The following PCDHA10 variants were observed in gnomAD, a reference collection of about 807,000 sequenced individuals.
PCDHA10 encodes the protein protocadherin alpha 10.
Under a neutral mutation model 61.2 loss-of-function variants are expected in PCDHA10, and 45 were observed. The ratio of observed to expected loss-of-function variants is 0.74; its 90% confidence interval spans 0.58 to 0.94. PCDHA10 has a LOEUF of 0.94. PCDHA10 is among the 40% of genes least tolerant of loss of function. The pLI, the probability that PCDHA10 is intolerant of heterozygous loss-of-function variation, is 0.00. For synonymous variants in PCDHA10, 602 were observed against 548.8 expected (o/e 1.10, Z -1.35); for missense variants, 1,278 against 1,236.2 (o/e 1.03, Z -0.51).
At chr5:140,948,371 T>G (rs1310252601) in intron 1 of PCDHA10, among the ~76,000 whole-genome samples, 1 of 151,586 alleles carries the variant, frequency 6.6e-6, no homozygotes, top group Non-Finnish European at 1.5e-5. Flanking sequence ...TTAGGAGGTG[T>G]TCCTTCCTCT....
At chr5:140,876,577 A>G (rs1554168681) in intron 1 of PCDHA10, 2 of 1,614,182 alleles carry the variant, frequency 1.2e-6, no homozygotes, top group Non-Finnish European at 1.7e-6. Context: ...GGGTACCGTC[A>G]TTGCCCTGAT....
intron 1 of PCDHA10, among the ~76,000 whole-genome samples, chr5:140,917,501 A>G (rs557906425): frequency 6.6e-6 from 1 of 152,020 alleles, no homozygotes; most frequent in East Asian, 1.9e-4. Context: ...CCAGAATGAT[A>G]TTTTCTAGGT....
chr5:141,000,734 T>A (rs1221425075), intron 3 of PCDHA10, among the ~76,000 whole-genome samples: 4 of 150,588 alleles, frequency 2.7e-5, no homozygotes, highest in Non-Finnish European at 4.4e-5. Flanking sequence ...GGCCCCTATC[T>A]CTGTATATTA....
Position 140,857,458 on chromosome 5 carries a change from C to A in PCDHA10, c.1410C>A (p.Gly470=), listed in dbSNP as rs782648266. 6.3e-7 allele frequency: 1 copy of A among 1,598,670 alleles called. No individual in the cohort carries two copies. The highest frequency in any genetic ancestry group is 1.1e-5 in the South Asian group (1 of 90,554). The change falls in exon 1 of 4, where the codon GGC becomes GGA. Residue 470 remains glycine (G), a synonymous_variant. Transcript: ENST00000307360. ...TCGTGAAGGAGAACAACCCGCCAGG[C>A]TGCCACATCTTCACGGTGTCTGCGT... ...TVFVKENNPP[G]CHIFTVSAWD... is the part of the protein sequence containing the mutation.
Position 141,009,722 on chromosome 5 carries a change from G to A in PCDHA10, c.2632G>A (p.Gly878Ser), listed in dbSNP as rs552954748. ...KYGPGNPKQSGPGELPDKFII... is the reference protein window; with the variant it reads ...KYGPGNPKQSSPGELPDKFII... ...CGGACCAGGCAACCCCAAACAATCC[G>A]GTCCCGGTGAGTTGCCCGACAAATT... The change falls in exon 4 of 4, where the codon GGT (glycine) becomes AGT (serine). Residue 878 changes from glycine (G) to serine (S), a missense_variant. Gly to Ser is a moderately conservative substitution (Grantham distance 56). Transcript: ENST00000307360. 5.2e-5 allele frequency: 84 copies of A among 1,614,140 alleles called. No homozygotes were observed. The South Asian group carries it at 6.7e-4, about 13-fold the overall frequency.
At position 140,877,303 on chromosome 5, in the gene PCDHA10, T is replaced by C. The variant is rs566187421; in HGVS notation, c.2388+18867T>C. 3.5e-4 allele frequency: 564 copies of C among 1,613,850 alleles called. 6 individuals are homozygous for C. In the South Asian group the frequency reaches 5.9e-3, roughly 17 times the overall value. On this transcript the variant is annotated intron_variant, in intron 1 of 3. Transcript: ENST00000307360. ...CTATAACGCTTGGCTGTCCTACGAGTTGCAACCGGCGGCGGTCGGCGCGCA... is the reference window on the plus strand; with the variant it reads ...CTATAACGCTTGGCTGTCCTACGAGCTGCAACCGGCGGCGGTCGGCGCGCA...
At chr5:140,992,514 G>A (rs1256283066) in intron 3 of PCDHA10, among the ~76,000 whole-genome samples, 1 of 152,176 alleles carries the variant, frequency 6.6e-6, no homozygotes, top group Non-Finnish European at 1.5e-5. Flanking sequence ...CTGGGGCATG[G>A]TAGCTAATGG....
At chr5:140,886,107 G>T (rs1340579685) in intron 1 of PCDHA10, among the ~76,000 whole-genome samples, 2 of 152,142 alleles carry the variant, frequency 1.3e-5, no homozygotes, top group Non-Finnish European at 2.9e-5. Flanking sequence ...ATACAGTAAA[G>T]AAGTAACATA....
At chr5:140,909,439 G>C (rs1348703640) in intron 1 of PCDHA10, among the ~76,000 whole-genome samples, 1 of 152,210 alleles carries the variant, frequency 6.6e-6, no homozygotes, top group Admixed American at 6.5e-5. Context: ...ATAATCCACT[G>C]TCATTCTCCA....
chr5:140,938,761 G>A (rs1414324125), intron 1 of PCDHA10, among the ~76,000 whole-genome samples: 5 of 151,992 alleles, frequency 3.3e-5, no homozygotes, highest in Non-Finnish European at 7.4e-5. Flanking sequence ...CATAGTTATT[G>A]GGTACTAGAC....
chr5:140,966,057 G>A (rs2153745793), intron 1 of PCDHA10, among the ~76,000 whole-genome samples: 1 of 152,318 alleles, frequency 6.6e-6, no homozygotes, highest in East Asian at 1.9e-4. Flanking sequence ...TAACCCCAGA[G>A]CGCCTCCCCC....
intron 1 of PCDHA10, among the ~76,000 whole-genome samples, chr5:140,879,426 G>T (rs2057986144): frequency 6.6e-6 from 1 of 152,302 alleles, no homozygotes; most frequent in South Asian, 2.1e-4. Flanking sequence ...GAATGGAGAT[G>T]AACATTTAAG....
At chr5:140,909,995 A>G (rs1315885700) in intron 1 of PCDHA10, among the ~76,000 whole-genome samples, 2 of 152,178 alleles carry the variant, frequency 1.3e-5, no homozygotes, top group African/African-American at 4.8e-5. Flanking sequence ...AACAGCATAA[A>G]TTGTTGTCAG....
At chr5:140,863,619 G>T (rs929497963) in intron 1 of PCDHA10, 8 of 333,052 alleles carry the variant, frequency 2.4e-5, no homozygotes, top group South Asian at 1.3e-4. Context: ...CCCTCATAGT[G>T]ACATTGATAA....
At chr5:140,882,936 C>T (rs782513929) in intron 1 of PCDHA10, 5 of 1,614,082 alleles carry the variant, frequency 3.1e-6, no homozygotes, top group Non-Finnish European at 4.2e-6. Flanking sequence ...CCCGAGCTGA[C>T]TGGCACAGTT....
rs2080357826 is a variant in PCDHA10 at position 140,921,739 on chromosome 5, G to T, written c.2389-57210G>T. The stretch of plus-strand genomic sequence containing the variant: ...CGAATTACTCCCATAAAAATTATAA[G>T]CATAACAGGACACTTCTTGGCTACT... On this transcript the variant is annotated intron_variant, in intron 1 of 3. Transcript: ENST00000307360. Among the ~76,000 whole-genome samples, 7 of 152,134 alleles carry T rather than the reference G, an allele frequency of 4.6e-5. No individual in the cohort carries two copies. In the South Asian group the frequency reaches 1.5e-3, roughly 32 times the overall value.
At chr5:140,915,572 C>T (rs2077180575) in intron 1 of PCDHA10, among the ~76,000 whole-genome samples, 1 of 152,106 alleles carries the variant, frequency 6.6e-6, no homozygotes, top group Admixed American at 6.6e-5. Context: ...ATCTGGATTG[C>T]CAGGCAAAAG....
At chr5:140,881,350 T>G (rs1189745119) in intron 1 of PCDHA10, 10 of 985,236 alleles carry the variant, frequency 1.0e-5, no homozygotes, top group Non-Finnish European at 1.2e-5. Context: ...CGGGCTACAA[T>G]GCGTGGCTTT....
intron 3 of PCDHA10, among the ~76,000 whole-genome samples, chr5:140,983,886 T>C (rs1280409622): frequency 1.3e-5 from 2 of 152,206 alleles, no homozygotes; most frequent in Non-Finnish European, 2.9e-5. Flanking sequence ...CTGGCAACTT[T>C]AAGGGCATTC....
Sources: allele counts gnomAD v4.1 joint callset (sites outside exome capture counted in the v4.1 genomes callset), GRCh38; gene constraint gnomAD v4.1.1; transcripts MANE v1.5; gene names NCBI Gene and HGNC (gene_info 2026-07-23, HGNC 2026-07-21).